The following EBF3 variants were observed in gnomAD, a reference collection of about 807,000 sequenced individuals.
The protein encoded by EBF3 is EBF transcription factor 3, also known as transcription factor COE3.
Under a neutral mutation model 77.1 loss-of-function variants are expected in EBF3, and 18 were observed. The ratio of observed to expected loss-of-function variants is 0.23; its 90% CI spans 0.16 to 0.35. The LOEUF (loss-of-function observed/expected upper bound fraction) is 0.35, where lower values mean the gene tolerates loss of function less well. Among genes scored for constraint, EBF3 ranks in the 10% least tolerant of loss-of-function variants. The pLI is 1.00. For missense variants in EBF3, 558 were observed against 860.0 expected (o/e 0.65, Z 4.39); for synonymous variants, 350 against 343.5 (o/e 1.02, Z -0.21).
chr10:129,930,451 ATCTG>A (rs913419959), intron 6 of EBF3, among the ~76,000 whole-genome samples: 8 of 145,996 alleles, frequency 5.5e-5, no homozygotes, highest in Admixed American at 1.4e-4. Context: ...CTGTATCTAT[ATCTG>A]TCTATGTCTA....
rs1023003673 is a variant in EBF3, at chr10:129,840,374, C to T, written c.1630G>A (p.Gly544Ser). 4 of 1,557,612 alleles carry T rather than the reference C, an allele frequency of 2.6e-6. No individual in the cohort carries two copies. The highest frequency in any genetic ancestry group is 3.5e-6 in the Non-Finnish European group (4 of 1,149,754). ...TLPSNCSSTH[G>S]IFSFSPANVI... ...TTGGCAGGTGAGAATGAGAAAATGC[C>T]GTGTGTGCTGCTACAGTTTGAAGGG... Residue 544 changes from glycine (G) to serine (S), a missense_variant, in exon 15 of 17, where the codon GGC becomes AGC. Transcript: ENST00000440978.
chr10:129,870,465 G>A lies in EBF3; in HGVS notation c.782-2553C>T, dbSNP rs1023060344. Among the ~76,000 whole-genome samples the A allele has an allele frequency of 1.3e-5, 2 of 152,028 alleles. No individual in the cohort carries two copies. The highest frequency in any genetic ancestry group is 4.8e-5 in the African/African-American group (2 of 41,396). On this transcript the variant is annotated intron_variant, in intron 8 of 16. Coordinates refer to ENST00000440978, the MANE Select transcript of EBF3 (RefSeq NM_001375380.1). The surrounding 1 kb of genome is among the most constrained non-coding windows in gnomAD (Gnocchi z 4.4). ...GGAGGCATCCCTGAAGACAGATCCT[G>A]GTCTGCAGCTTTCAGCGTGGCCCAC... is the stretch of plus-strand genomic sequence containing the variant.
At position 129,959,290 on chromosome 10, in the gene EBF3, G is replaced by A. The variant is rs1859291706; in HGVS notation, c.412-283C>T. On this transcript the variant is annotated intron_variant, in intron 4 of 16. Transcript: ENST00000440978. ...AAGGCGCCGACTGGGCTCGGGCCGC[G>A]GGGAGGGCAGGGCGAGGGAGGCCGG... Among the ~76,000 whole-genome samples the A allele has an allele frequency of 1.3e-5, 2 of 152,100 alleles. 1 individual carries two copies. Among genetic ancestry groups the A allele is most frequent in the African/African-American group, 4.8e-5 (2 of 41,432 alleles).
chr10:129,895,641 A>C (rs1410111353), intron 6 of EBF3, among the ~76,000 whole-genome samples: 2 of 152,216 alleles, frequency 1.3e-5, no homozygotes, highest in Non-Finnish European at 2.9e-5. Context: ...GGACCCTGGT[A>C]GGGGAGTGGC....
At chr10:129,860,613 C>A (rs1407744424) in intron 10 of EBF3, among the ~76,000 whole-genome samples, 1 of 152,194 alleles carries the variant, frequency 6.6e-6, no homozygotes, top group African/African-American at 2.4e-5. Context: ...CCAAAGCCCC[C>A]TCGGATGACA....
rs550050766 is a variant in EBF3 at position 129,896,285 on chromosome 10, T to C, written c.555-18436A>G. On this transcript the variant is annotated intron_variant, in intron 6 of 16. Coordinates refer to ENST00000440978, the MANE Select transcript of EBF3 (RefSeq NM_001375380.1). The stretch of plus-strand genomic sequence containing the variant: ...GGATGTCAGGTGGCCTCAGTGGTCA[T>C]AGCAGCCACCATGCAAAAACAAGCC... 5.9e-5 allele frequency among the ~76,000 whole-genome samples: 9 copies of C among 152,354 alleles called. No individual in the cohort carries two copies. The South Asian group carries it at 1.9e-3, about 32-fold the overall frequency.
chr10:129,939,951 G>A (rs1479401527), intron 6 of EBF3, among the ~76,000 whole-genome samples: 1 of 152,208 alleles, frequency 6.6e-6, no homozygotes, highest in Non-Finnish European at 1.5e-5. Context: ...ATGCCCCTGT[G>A]GCCCACGTCC....
chr10:129,953,920 T>C (rs1011830410), intron 6 of EBF3, among the ~76,000 whole-genome samples: 3 of 152,240 alleles, frequency 2.0e-5, no homozygotes, highest in Non-Finnish European at 2.9e-5. Flanking sequence ...GCCCTTGGAA[T>C]GCACGGGTGA....
At chr10:129,872,378 T>C (rs1330322442) in intron 8 of EBF3, among the ~76,000 whole-genome samples, 1 of 151,860 alleles carries the variant, frequency 6.6e-6, no homozygotes, top group African/African-American at 2.4e-5. Flanking sequence ...ACCTTAGTCA[T>C]TAATGTAGAA....
intron 14 of EBF3, 116 bp downstream of exon 14, chr10:129,840,728 G>A (rs1272993943): frequency 1.7e-5 from 24 of 1,428,780 alleles, no homozygotes; most frequent in Non-Finnish European, 2.3e-5. Flanking sequence ...AGCCTCCAGG[G>A]CCACCCTTCC....
At chr10:129,893,658 T>G (rs1477259905) in intron 6 of EBF3, among the ~76,000 whole-genome samples, 3 of 152,234 alleles carry the variant, frequency 2.0e-5, no homozygotes, top group Non-Finnish European at 4.4e-5. Flanking sequence ...GCAAACTTCC[T>G]GACGCCGGGA....
At chr10:129,886,941 G>T (rs1853629139) in intron 6 of EBF3, among the ~76,000 whole-genome samples, 1 of 151,548 alleles carries the variant, frequency 6.6e-6, no homozygotes, top group African/African-American at 2.4e-5. Context: ...TCAAGAAGGG[G>T]TTTTAACACT....
rs934832972 is a variant in EBF3, at chr10:129,879,636, C to T, written c.555-1787G>A. Among the ~76,000 whole-genome samples the T allele has an allele frequency of 6.6e-6, 1 of 152,224 alleles. No homozygotes were observed. Among genetic ancestry groups the T allele is most frequent in the Non-Finnish European group, 1.5e-5 (1 of 68,052 alleles). ...TACATCTTTTATTAACTCACCTCACCTATACACTTAGCTCACAATGCCTCT... is the reference window on the plus strand; with the variant it reads ...TACATCTTTTATTAACTCACCTCACTTATACACTTAGCTCACAATGCCTCT... On this transcript the variant is annotated intron_variant, in intron 6 of 16. Transcript: ENST00000440978. The surrounding 1 kb of genome is among the most constrained non-coding windows in gnomAD (Gnocchi z 4.7).
intron 6 of EBF3, among the ~76,000 whole-genome samples, chr10:129,896,944 G>A (rs890674203): frequency 1.3e-5 from 2 of 152,166 alleles, no homozygotes; most frequent in African/African-American, 2.4e-5. Context: ...CCTTCATAGA[G>A]AGGGAAAGAG....
At chr10:129,862,385 C>T (rs574852891) in intron 10 of EBF3, among the ~76,000 whole-genome samples, 10 of 152,264 alleles carry the variant, frequency 6.6e-5, no homozygotes, top group Admixed American at 5.2e-4. Context: ...TGGTTGCTAT[C>T]GACTGCCAAT....
In EBF3 at chr10:129,932,886, TTTTTTTTCC is replaced by T. The variant is rs1425833072; in HGVS notation, c.554+24363_554+24371del. On this transcript the variant is annotated intron_variant, in intron 6 of 16. Coordinates refer to ENST00000440978, the MANE Select transcript of EBF3 (RefSeq NM_001375380.1). ...AAGGCAAACAAACTTCAACCATTTC[TTTTTTTTCC>T]TTTTTTTTTTTTTTTTTTCAATTTC... is the stretch of plus-strand genomic sequence containing the variant. Among the ~76,000 whole-genome samples the T allele has an allele frequency of 2.0e-4, 22 of 111,766 alleles. No homozygotes were observed. The South Asian group carries it at 7.4e-3, about 38-fold the overall frequency. 73.3% of individuals were successfully genotyped at this position (111,766 alleles called of 152,430 possible). A position where few individuals can be genotyped will look rare whatever the true frequency, so the allele number is the denominator to read the frequency against.
Position 129,867,255 on chromosome 10 carries a change from G to A in EBF3, c.925C>T (p.His309Tyr). 3.7e-6 allele frequency: 6 copies of A among 1,614,088 alleles called. No individual in the cohort carries two copies. The highest frequency in any genetic ancestry group is 1.3e-5 in the African/African-American group (1 of 75,060). The change falls in exon 10 of 17, where the codon CAT becomes TAT. Residue 309 changes from histidine to tyrosine, a missense_variant. This residue lies in a region of EBF3 where 112 missense variants were observed against 207.7 expected (regional missense o/e 0.54). Transcript: ENST00000440978. ...GGCGGGGTCTGGACTCGGATGGCAT[G>A]GGGAGTTATCAGCTACAAAAACCAC... ...MLVWSELITP[H>Y]AIRVQTPPRH... is the part of the protein sequence containing the mutation.
In EBF3 at chr10:129,848,847, C is replaced by T. The variant is rs1204188283; in HGVS notation, c.1040-367G>A. Among the ~76,000 whole-genome samples, 6 of 152,322 alleles carry T rather than the reference C, an allele frequency of 3.9e-5. No homozygotes were observed. Among genetic ancestry groups the T allele is most frequent in the Middle Eastern group, 3.4e-3 (1 of 294 alleles). On this transcript the variant is annotated intron_variant, in intron 10 of 16. Transcript: ENST00000440978. This position sits in a 1 kb window ranked among gnomAD's most constrained non-coding sequence, Gnocchi z 4.4. ...ACACTGGCCAGGGATTTATGGGAAA[C>T]TGGCAATTATGACATATGTCCAGCT...
intron 16 of EBF3, 132 bp from the exon 17 acceptor site, chr10:129,838,092 C>T (rs1849731401): frequency 1.8e-6 from 2 of 1,113,448 alleles, no homozygotes; most frequent in African/African-American, 1.6e-5. Context: ...CGTCCACCAG[C>T]CTCGGGCGTG....
Sources: allele counts gnomAD v4.1 joint callset (sites outside exome capture counted in the v4.1 genomes callset), GRCh38; gene constraint gnomAD v4.1.1; regional missense constraint gnomAD v4.1.1; non-coding constraint Gnocchi (gnomAD v3.1); transcripts MANE v1.5; gene names NCBI Gene and HGNC (gene_info 2026-07-23, HGNC 2026-07-21).